The following PLEKHO2 variants were observed in gnomAD, a reference collection of about 807,000 sequenced individuals.
The protein encoded by PLEKHO2 is pleckstrin homology domain-containing family O member 2.
In PLEKHO2, 20 loss-of-function variants were observed where a neutral mutation model predicts 32.7. The ratio of observed to expected loss-of-function variants is 0.61; its 90% CI spans 0.43 to 0.89. The LOEUF (loss-of-function observed/expected upper bound fraction) is 0.89, where lower values mean the gene tolerates loss of function less well. Ranked by LOEUF, PLEKHO2 falls within the 40% of genes least tolerant of loss-of-function variation. The pLI is 0.00. For synonymous variants in PLEKHO2, 247 were observed against 246.3 expected (o/e 1.00, Z -0.03); for missense variants, 568 against 621.2 (o/e 0.91, Z 0.91).
rs2084486764 is a variant in PLEKHO2 at position 64,841,944 on chromosome 15, C to T, written c.-73C>T. 4 of 1,232,464 alleles carry T rather than the reference C, an allele frequency of 3.2e-6. No individual in the cohort carries two copies. 76.3% of individuals were successfully genotyped at this position (1,232,464 alleles called of 1,614,324 possible). A position where few individuals can be genotyped will look rare whatever the true frequency, so the allele number is the denominator to read the frequency against. On this transcript the variant is annotated 5_prime_UTR_variant, in exon 1 of 6. Coordinates refer to ENST00000323544, the MANE Select transcript of PLEKHO2 (RefSeq NM_025201.5). ...CGCGGAGAGTCGCCGCCTGGCCGGG[C>T]GTAGACGCGGTGGCAGAGCCCGCGC...
At chr15:64,848,847 C>T (rs1222209476) in intron 2 of PLEKHO2, 105 bp downstream of exon 2, 14 of 1,435,164 alleles carry the variant, frequency 9.8e-6, no homozygotes, top group African/African-American at 1.4e-5. Flanking sequence ...AAGACCTGCT[C>T]TACTTTTGCC....
intron 5 of PLEKHO2, among the ~76,000 whole-genome samples, chr15:64,863,769 G>C (rs1410337011): frequency 3.4e-5 from 5 of 148,974 alleles, no homozygotes; most frequent in African/African-American, 5.0e-5. Context: ...TTGAGACGGA[G>C]CTTCGCTCTT....
At chr15:64,853,825 C>G (rs1256008974) in intron 2 of PLEKHO2, among the ~76,000 whole-genome samples, 1 of 152,196 alleles carries the variant, frequency 6.6e-6, no homozygotes, top group Non-Finnish European at 1.5e-5. Context: ...AGGCCTCATT[C>G]TTTCCTTCTA....
At chr15:64,850,726 G>A (rs896816868) in intron 2 of PLEKHO2, among the ~76,000 whole-genome samples, 1 of 152,202 alleles carries the variant, frequency 6.6e-6, no homozygotes, top group Non-Finnish European at 1.5e-5. Context: ...ATTTCAGCAG[G>A]CTTGGGATTT....
intron 2 of PLEKHO2, among the ~76,000 whole-genome samples, chr15:64,849,695 C>T (rs1200866834): frequency 1.3e-5 from 2 of 148,870 alleles, no homozygotes; most frequent in African/African-American, 5.0e-5. Context: ...CACCCACCTC[C>T]GCCTCCCAAA....
chr15:64,844,841 C>T (rs969279235), intron 1 of PLEKHO2, among the ~76,000 whole-genome samples: 3 of 152,124 alleles, frequency 2.0e-5, no homozygotes, highest in East Asian at 1.9e-4. Flanking sequence ...GAGCTAGGAC[C>T]GGTGCATCCC....
chr15:64,861,527 G>A lies in PLEKHO2; in HGVS notation c.435G>A (p.Val145=), dbSNP rs1012000530. 6.2e-7 allele frequency: 1 copy of A among 1,609,602 alleles called. No homozygotes were observed. The highest frequency in any genetic ancestry group is 8.5e-7 in the Non-Finnish European group (1 of 1,178,490). ...TGGAGCATGTGACACGGGACCGGGT[G>A]CGAGGGGGCCAGCGACGCCGGCCAC... ...CALEHVTRDR[V]RGGQRRRPPT... Residue 145 remains valine, a synonymous_variant, in exon 5 of 6, where the codon GTG becomes GTA. Transcript: ENST00000323544.
intron 2 of PLEKHO2, among the ~76,000 whole-genome samples, chr15:64,851,838 C>T (rs1329814297): frequency 1.3e-5 from 2 of 152,014 alleles, no homozygotes; most frequent in East Asian, 3.9e-4. Context: ...AGTGGCGGTC[C>T]AGTTAGTGGA....
chr15:64,865,748 A>G lies in PLEKHO2; in HGVS notation c.1333A>G (p.Ser445Gly), dbSNP rs751406588. The part of the protein sequence containing the change: ...PAPVSAETLL[S>G]QAVEQLRQAT... ...CCCTGTTAGTGCCGAAACATTGCTC[A>G]GCCAGGCTGTGGAGCAGCTGAGGCA... Residue 445 changes from serine to glycine, a missense_variant, in exon 6 of 6, where the codon AGC (serine) becomes GGC (glycine). By Grantham distance (56) the Ser-to-Gly change is moderately conservative (BLOSUM62 0). Coordinates refer to ENST00000323544, the MANE Select transcript of PLEKHO2 (RefSeq NM_025201.5). The G allele has an allele frequency of 3.7e-6, 6 of 1,614,246 alleles. No individual in the cohort carries two copies. In the South Asian group the frequency reaches 5.5e-5, roughly 15 times the overall value.
chr15:64,852,129 G>C (rs1200065368), intron 2 of PLEKHO2, among the ~76,000 whole-genome samples: 2 of 152,120 alleles, frequency 1.3e-5, no homozygotes, highest in African/African-American at 4.8e-5. Context: ...GGCAGGACTC[G>C]GCTCCTAGCA....
chr15:64,866,515 C>G lies in PLEKHO2; in HGVS notation c.*627C>G, dbSNP rs1440987083. ...GGAGGACATTAGCTGTGTGGCCTCTCTCTCTTTGGCCCTGTTTCCTTTTTT... is the reference window on the plus strand; with the variant it reads ...GGAGGACATTAGCTGTGTGGCCTCTGTCTCTTTGGCCCTGTTTCCTTTTTT... On this transcript the variant is annotated 3_prime_UTR_variant, in exon 6 of 6. Transcript: ENST00000323544. 2.5e-6 allele frequency: 1 copy of G among 394,642 alleles called. No homozygotes were observed. The highest frequency in any genetic ancestry group is 5.1e-6 in the Non-Finnish European group (1 of 196,546). The allele number at this position is 394,642 out of a possible 1,614,324, so 24.4% of individuals were successfully genotyped here.
intron 1 of PLEKHO2, among the ~76,000 whole-genome samples, chr15:64,846,544 C>A (rs1379411666): frequency 6.6e-6 from 1 of 152,164 alleles, no homozygotes; most frequent in Non-Finnish European, 1.5e-5. Context: ...AAACTCCTGA[C>A]CTCAAATGAT....
chr15:64,844,010 C>T (rs963711098), intron 1 of PLEKHO2, among the ~76,000 whole-genome samples: 1 of 152,198 alleles, frequency 6.6e-6, no homozygotes, highest in African/African-American at 2.4e-5. Context: ...CCCTACTCCC[C>T]TTTGGCATCC....
intron 3 of PLEKHO2, among the ~76,000 whole-genome samples, chr15:64,856,249 A>G (rs903069605): frequency 3.3e-5 from 5 of 152,136 alleles, no homozygotes; most frequent in Admixed American, 6.5e-5. Flanking sequence ...TGGGCACTGT[A>G]TATGTGGATG....
chr15:64,846,462 G>T (rs928184331), intron 1 of PLEKHO2, among the ~76,000 whole-genome samples: 1 of 152,018 alleles, frequency 6.6e-6, no homozygotes, highest in Non-Finnish European at 1.5e-5. Context: ...ACAGGCGTGC[G>T]CCACCACCGC....
Position 64,865,435 on chromosome 15 carries a change from G to T in PLEKHO2, c.1020G>T (p.Gln340His). Residue 340 changes from glutamine to histidine, a missense_variant, in exon 6 of 6, where the codon CAG (glutamine) becomes CAT (histidine). Gln to His is a conservative substitution (Grantham distance 24). Transcript: ENST00000323544. Reference sequence around the variant, plus strand: ...GGCCACCTGCTCCAGGCACAGTGCAGGTCTCAGTGAATGGCATGGATGACA... The same window carrying T: ...GGCCACCTGCTCCAGGCACAGTGCATGTCTCAGTGAATGGCATGGATGACA... The part of the protein sequence containing the change: ...ASGPPAPGTV[Q>H]VSVNGMDDSP... 1 of 1,614,132 alleles carries T rather than the reference G, an allele frequency of 6.2e-7. No homozygotes were observed. The highest frequency in any genetic ancestry group is 8.5e-7 in the Non-Finnish European group (1 of 1,180,012).
intron 2 of PLEKHO2, among the ~76,000 whole-genome samples, chr15:64,851,752 C>G (rs1049779975): frequency 6.6e-6 from 1 of 152,098 alleles, no homozygotes; most frequent in Non-Finnish European, 1.5e-5. Context: ...AGACCCAGGA[C>G]AGGCAGCTAT....
intron 2 of PLEKHO2, among the ~76,000 whole-genome samples, chr15:64,851,592 C>T (rs1465223582): frequency 2.0e-5 from 3 of 152,090 alleles, no homozygotes; most frequent in East Asian, 3.9e-4. Flanking sequence ...AGGAACTAGG[C>T]GAATGCGAAT....
chr15:64,855,381 G>A (rs752875545), intron 3 of PLEKHO2, among the ~76,000 whole-genome samples: 8 of 152,196 alleles, frequency 5.3e-5, no homozygotes, highest in Non-Finnish European at 1.2e-4. Flanking sequence ...GAGGCCCAGG[G>A]CTGAGGCAGG....
Sources: gnomAD v4.1 joint callset for allele counts (sites outside exome capture counted in the v4.1 genomes callset) on GRCh38, gnomAD v4.1.1 for gene constraint, MANE v1.5 for transcripts, NCBI Gene and HGNC (gene_info 2026-07-23, HGNC 2026-07-21) for gene names.